Variants in AIG1 observed in about 807,000 individuals in gnomAD.
AIG1 encodes androgen-induced gene 1 protein.
In AIG1, 23 loss-of-function variants were observed where a neutral mutation model predicts 31.4. That is an observed-to-expected ratio of 0.73 (90% CI 0.53 to 1.04). AIG1 has a LOEUF of 1.04. Ranked by LOEUF, AIG1 falls within the 50% of genes least tolerant of loss-of-function variation. AIG1 has a pLI of 0.00. For missense variants in AIG1, 274 were observed against 295.0 expected (o/e 0.93, Z 0.52); for synonymous variants, 100 against 110.5 (o/e 0.90, Z 0.60).
At chr6:143,079,014 A>G (rs1583090780) in intron 1 of AIG1, among the ~76,000 whole-genome samples, 2 of 152,132 alleles carry the variant, frequency 1.3e-5, no homozygotes, top group African/African-American at 4.8e-5. Flanking sequence ...TCTTCTCAAA[A>G]TTTTAGCCTC....
chr6:143,294,000 T>C lies in AIG1; in HGVS notation c.515+9775T>C, dbSNP rs927112783. On this transcript the variant is annotated intron_variant, in intron 4 of 5. Coordinates refer to ENST00000357847, the MANE Select transcript of AIG1 (RefSeq NM_016108.4). This position sits in a 1 kb window ranked among gnomAD's most constrained non-coding sequence, Gnocchi z 4.8. ...ATTTCACAGAGAAGATAAAAGACTC[T>C]AAACAGGGACTCCTTCGATCTCCCC... Among the ~76,000 whole-genome samples, 3 of 152,176 alleles carry C rather than the reference T, an allele frequency of 2.0e-5. No homozygotes were observed. Among genetic ancestry groups the C allele is most frequent in the Non-Finnish European group, 2.9e-5 (2 of 68,040 alleles).
At chr6:143,061,087 T>G in intron 1 of AIG1, 21 bp downstream of exon 1, 4 of 1,607,200 alleles carry the variant, frequency 2.5e-6, no homozygotes, top group Non-Finnish European at 3.4e-6. Flanking sequence ...CCCCTCCCCC[T>G]GCTCGCCCCG....
chr6:143,253,949 T>C (rs1240226161), intron 3 of AIG1, among the ~76,000 whole-genome samples: 1 of 152,200 alleles, frequency 6.6e-6, no homozygotes, highest in East Asian at 1.9e-4. Context: ...TTTAGATTCA[T>C]CAAAGACTGA....
intron 4 of AIG1, among the ~76,000 whole-genome samples, chr6:143,320,359 T>C (rs1562590597): frequency 6.6e-6 from 1 of 152,208 alleles, no homozygotes; most frequent in Non-Finnish European, 1.5e-5. Flanking sequence ...ATTCTAGTTA[T>C]ATACCCAAAA....
chr6:143,127,936 C>A (rs1782840961), intron 1 of AIG1, among the ~76,000 whole-genome samples: 1 of 152,148 alleles, frequency 6.6e-6, no homozygotes, highest in African/African-American at 2.4e-5. Flanking sequence ...GATCCACCTG[C>A]CTTGGCCTCC....
upstream of AIG1, among the ~76,000 whole-genome samples, chr6:143,060,006 T>G (rs983360921): frequency 2.6e-5 from 4 of 152,218 alleles, no homozygotes; most frequent in African/African-American, 9.6e-5. Context: ...AACAACCAGA[T>G]GATTAGTATT....
chr6:143,102,107 G>T (rs1018764332), intron 1 of AIG1, among the ~76,000 whole-genome samples: 28 of 151,982 alleles, frequency 1.8e-4, no homozygotes, highest in African/African-American at 6.3e-4. Context: ...TGTAGAATAT[G>T]TTCATCCCTA....
intron 3 of AIG1, among the ~76,000 whole-genome samples, chr6:143,281,146 G>A (rs1483135808): frequency 6.6e-6 from 1 of 152,108 alleles, no homozygotes; most frequent in African/African-American, 2.4e-5. Context: ...GCAGAAAAAA[G>A]AGCATGAGAT....
rs1368392611 is a variant in AIG1, at chr6:143,328,724, GAATA to G, written c.516-4554_516-4551del. Among the ~76,000 whole-genome samples, 1 of 152,144 alleles carries G rather than the reference GAATA, an allele frequency of 6.6e-6. No individual in the cohort carries two copies. Among genetic ancestry groups the G allele is most frequent in the East Asian group, 1.9e-4 (1 of 5,194 alleles). ...AACAAAGCACTCAGATAGGAGGCAT[GAATA>G]AATGTTATTTTTTTAATTGTACATA... On this transcript the variant is annotated intron_variant, in intron 4 of 5. Transcript: ENST00000357847. The surrounding 1 kb of genome is among the most constrained non-coding windows in gnomAD (Gnocchi z 4.0).
At chr6:143,250,182 G>A (rs1021909343) in intron 3 of AIG1, among the ~76,000 whole-genome samples, 5 of 152,230 alleles carry the variant, frequency 3.3e-5, no homozygotes, top group Non-Finnish European at 2.9e-5. Flanking sequence ...TCTTCTCCAT[G>A]ATTGTGATCA....
chr6:143,249,315 C>T (rs1360898429), intron 3 of AIG1, among the ~76,000 whole-genome samples: 1 of 152,150 alleles, frequency 6.6e-6, no homozygotes, highest in Non-Finnish European at 1.5e-5. Context: ...TTAAGTATTC[C>T]TCGACGACGA....
At chr6:143,294,153 G>A (rs912907637) in intron 4 of AIG1, among the ~76,000 whole-genome samples, 4 of 152,024 alleles carry the variant, frequency 2.6e-5, no homozygotes, top group Non-Finnish European at 5.9e-5. Context: ...CCTCTCCTGG[G>A]ACCCCATTCA....
At chr6:143,316,200 T>A (rs1220811810) in intron 4 of AIG1, among the ~76,000 whole-genome samples, 1 of 152,034 alleles carries the variant, frequency 6.6e-6, no homozygotes, top group East Asian at 1.9e-4. Context: ...AGCACACCAA[T>A]GGTGCAAAAT....
At chr6:143,091,413 C>T (rs372643337) in intron 1 of AIG1, among the ~76,000 whole-genome samples, 145 of 152,312 alleles carry the variant, frequency 9.5e-4, no homozygotes, top group African/African-American at 2.3e-3. Context: ...AAAGAAGTTT[C>T]GATCTGACAG....
At chr6:143,205,436 G>C (rs1424988703) in intron 3 of AIG1, among the ~76,000 whole-genome samples, 1 of 152,122 alleles carries the variant, frequency 6.6e-6, no homozygotes, top group Non-Finnish European at 1.5e-5. Context: ...GAATCCTTTT[G>C]ATAAGTATCT....
At position 143,333,152 on chromosome 6, in the gene AIG1, G is replaced by A; in HGVS notation, c.516-130G>A. On this transcript the variant is annotated intron_variant, in intron 4 of 5. Coordinates refer to ENST00000357847, the MANE Select transcript of AIG1 (RefSeq NM_016108.4). The surrounding 1 kb of genome is among the most constrained non-coding windows in gnomAD (Gnocchi z 4.6). ...AGTTTCCAGTAGCTCCTGAGTATCA[G>A]AAGCGAACTTGAGACTGGCAAATGC... The A allele has an allele frequency of 1.1e-6, 1 of 891,824 alleles. No homozygotes were observed. Among genetic ancestry groups the A allele is most frequent in the Non-Finnish European group, 1.6e-6 (1 of 620,668 alleles). 55.2% of individuals were successfully genotyped at this position (891,824 alleles called of 1,614,324 possible).
At chr6:143,133,221 T>C (rs1274549770) in intron 1 of AIG1, among the ~76,000 whole-genome samples, 2 of 152,138 alleles carry the variant, frequency 1.3e-5, no homozygotes. Context: ...TCAGCTTTTT[T>C]TTGTTTGTTT....
chr6:143,268,961 G>T lies in AIG1; in HGVS notation c.400-15149G>T, dbSNP rs1796328064. ...CATCCCATAACTGGTCCATGCTGGG[G>T]TATAAAGACCTGACCCACTTCCTCT... On this transcript the variant is annotated intron_variant, in intron 3 of 5. Transcript: ENST00000357847. This position sits in a 1 kb window ranked among gnomAD's most constrained non-coding sequence, Gnocchi z 5.0. Among the ~76,000 whole-genome samples the T allele has an allele frequency of 6.6e-6, 1 of 152,200 alleles. No homozygotes were observed. Among genetic ancestry groups the T allele is most frequent in the African/African-American group, 2.4e-5 (1 of 41,452 alleles).
rs576777446 is a variant in AIG1 at position 143,097,584 on chromosome 6, C to G, written c.141+36518C>G. 4.6e-5 allele frequency among the ~76,000 whole-genome samples: 7 copies of G among 152,274 alleles called. No homozygotes were observed. In the East Asian group the frequency reaches 1.3e-3, roughly 29 times the overall value. On this transcript the variant is annotated intron_variant, in intron 1 of 5. Transcript: ENST00000357847. ...CAATGAGCGCTCCGTACTGTGCTGA[C>G]CAACCAGCTACTACACTTACCTAGG...
Sources: gnomAD v4.1 joint callset for allele counts (sites outside exome capture counted in the v4.1 genomes callset) on GRCh38, gnomAD v4.1.1 for gene constraint, Gnocchi (gnomAD v3.1) non-coding constraint, MANE v1.5 for transcripts, NCBI Gene and HGNC (gene_info 2026-07-23, HGNC 2026-07-21) for gene names.